Variants in NKAIN2 observed in about 807,000 individuals in gnomAD.
NKAIN2 encodes the protein sodium/potassium-transporting ATPase subunit beta-1-interacting protein 2.
NKAIN2 carries 14 observed loss-of-function variants against 32.6 expected under a neutral mutation model. The observed-to-expected ratio is 0.43, with a 90% CI of 0.28 to 0.67. The LOEUF (loss-of-function observed/expected upper bound fraction) is 0.67, where lower values mean the gene tolerates loss of function less well. NKAIN2 is among the 30% of genes least tolerant of loss of function. The pLI is 0.17. For synonymous variants in NKAIN2, 80 were observed against 87.2 expected (o/e 0.92, Z 0.46); for missense variants, 198 against 258.3 (o/e 0.77, Z 1.60).
chr6:123,883,152 A>T (rs761944215), intron 1 of NKAIN2, among the ~76,000 whole-genome samples: 1 of 151,876 alleles, frequency 6.6e-6, no homozygotes, highest in Non-Finnish European at 1.5e-5. Context: ...GTGAATTATT[A>T]TTATTTTTTT....
In NKAIN2 at chr6:123,804,114, T is replaced by C; in HGVS notation, c.-87T>C. ...CCCGAGCCCTCGGCAGGTTTGCGTG[T>C]CCTTCCCCGCGATCTGATTGGATAA... On this transcript the variant is annotated 5_prime_UTR_variant, in exon 1 of 7. Coordinates refer to ENST00000368417, the MANE Select transcript of NKAIN2 (RefSeq NM_001040214.3). The C allele has an allele frequency of 2.4e-6, 3 of 1,273,478 alleles. No individual in the cohort carries two copies. Among genetic ancestry groups the C allele is most frequent in the Non-Finnish European group, 3.4e-6 (3 of 870,362 alleles). 78.9% of individuals were successfully genotyped at this position (1,273,478 alleles called of 1,614,324 possible).
chr6:124,370,945 T>C (rs369617358), intron 3 of NKAIN2, among the ~76,000 whole-genome samples: 1 of 152,142 alleles, frequency 6.6e-6, no homozygotes, highest in Non-Finnish European at 1.5e-5. Context: ...TGAGTACAAG[T>C]AATCCATTGA....
At chr6:123,989,480 ACTCTTGCTGGGTCT>A (rs533289639) in intron 1 of NKAIN2, among the ~76,000 whole-genome samples, 21 of 152,034 alleles carry the variant, frequency 1.4e-4, no homozygotes, top group Middle Eastern at 3.4e-3. Context: ...AATAAACAGA[ACTCTTGCTGGGTCT>A]TTTCTCCTTT....
intron 1 of NKAIN2, among the ~76,000 whole-genome samples, chr6:123,912,700 C>A (rs1254204664): frequency 6.6e-6 from 1 of 152,296 alleles, no homozygotes; most frequent in African/African-American, 2.4e-5. Flanking sequence ...TTAGTGGAAG[C>A]TTAGCTTCCT....
At chr6:124,332,226 T>TAC (rs1189379396) in intron 2 of NKAIN2, among the ~76,000 whole-genome samples, 11 of 150,654 alleles carry the variant, frequency 7.3e-5, no homozygotes, top group Middle Eastern at 3.4e-3. Context: ...TGTGTGTGTA[T>TAC]ATACACACAC....
intron 2 of NKAIN2, among the ~76,000 whole-genome samples, chr6:124,334,170 C>T (rs1797774385): frequency 6.6e-6 from 1 of 152,146 alleles, no homozygotes; most frequent in Admixed American, 6.5e-5. Context: ...TAGATTTGAG[C>T]ACATGGTTCT....
intron 1 of NKAIN2, among the ~76,000 whole-genome samples, chr6:123,822,185 T>C (rs1773952336): frequency 6.6e-6 from 1 of 152,202 alleles, no homozygotes; most frequent in Admixed American, 6.5e-5. Context: ...ATGCCAGAAT[T>C]CTTTGCACTC....
intron 4 of NKAIN2, among the ~76,000 whole-genome samples, chr6:124,705,899 G>C (rs1186619448): frequency 6.6e-6 from 1 of 152,052 alleles, no homozygotes; most frequent in Non-Finnish European, 1.5e-5. Flanking sequence ...AAGCAGCAGA[G>C]GAAAGCCTAG....
intron 1 of NKAIN2, among the ~76,000 whole-genome samples, chr6:123,885,941 A>G (rs1263649446): frequency 6.6e-6 from 1 of 151,308 alleles, no homozygotes; most frequent in Non-Finnish European, 1.5e-5. Flanking sequence ...AGTTAGAGCA[A>G]TGATCAAAAG....
chr6:123,831,678 C>T (rs1774387727), intron 1 of NKAIN2, among the ~76,000 whole-genome samples: 4 of 139,238 alleles, frequency 2.9e-5, no homozygotes, highest in South Asian at 2.3e-4. Context: ...TTTTTTGAGA[C>T]GGAGTTTTGC....
intron 1 of NKAIN2, among the ~76,000 whole-genome samples, chr6:124,113,984 CAT>C (rs1320701990): frequency 6.6e-6 from 1 of 152,044 alleles, no homozygotes; most frequent in African/African-American, 2.4e-5. Context: ...GTTTTGTAGG[CAT>C]ATGTTTTTAT....
At chr6:124,658,149 A>G in intron 3 of NKAIN2, 37 bp from the exon 4 acceptor site, 1 of 1,475,214 alleles carries the variant, frequency 6.8e-7, no homozygotes, top group Non-Finnish European at 9.2e-7. Flanking sequence ...TAACATTTAT[A>G]AAGTAATTCT....
intron 1 of NKAIN2, among the ~76,000 whole-genome samples, chr6:123,937,051 A>G (rs1776543840): frequency 6.6e-6 from 1 of 152,258 alleles, no homozygotes; most frequent in Non-Finnish European, 1.5e-5. Context: ...AATAGCGGCC[A>G]GCTCCAAAAA....
intron 1 of NKAIN2, among the ~76,000 whole-genome samples, chr6:124,046,329 C>T (rs1026569955): frequency 4.0e-5 from 6 of 151,844 alleles, no homozygotes; most frequent in Non-Finnish European, 8.8e-5. Context: ...TTTCACATAC[C>T]GTATTCCTGG....
Position 124,463,995 on chromosome 6 carries a change from T to A in NKAIN2, c.273+108648T>A, listed in dbSNP as rs564607236. Among the ~76,000 whole-genome samples the A allele has an allele frequency of 1.4e-4, 21 of 152,222 alleles. No individual in the cohort carries two copies. The South Asian group carries it at 4.1e-3, about 30-fold the overall frequency. ...CACTTTGTTTTGTTTTGTTTTGTTATGCTTTGTGACAAAGTCTTACTTTGT... is the reference window on the plus strand; with the variant it reads ...CACTTTGTTTTGTTTTGTTTTGTTAAGCTTTGTGACAAAGTCTTACTTTGT... On this transcript the variant is annotated intron_variant, in intron 3 of 6. Transcript: ENST00000368417.
intron 4 of NKAIN2, among the ~76,000 whole-genome samples, chr6:124,772,322 G>A (rs562845974): frequency 1.8e-4 from 28 of 152,260 alleles, no homozygotes; most frequent in Non-Finnish European, 3.7e-4. Context: ...TAATCCAATG[G>A]AATAGTCAAT....
At chr6:124,115,035 T>C (rs1785545147) in intron 1 of NKAIN2, among the ~76,000 whole-genome samples, 1 of 152,104 alleles carries the variant, frequency 6.6e-6, no homozygotes, top group African/African-American at 2.4e-5. Context: ...AATGTGTGTG[T>C]GTATGTATTT....
intron 4 of NKAIN2, among the ~76,000 whole-genome samples, chr6:124,710,939 G>A (rs1213746872): frequency 9.2e-4 from 139 of 150,584 alleles, no homozygotes; most frequent in South Asian, 1.1e-3. Flanking sequence ...TGGTCTTTAC[G>A]TTTTGGCATG....
intron 3 of NKAIN2, among the ~76,000 whole-genome samples, chr6:124,358,334 C>T (rs990483718): frequency 3.7e-4 from 56 of 152,160 alleles, no homozygotes; most frequent in African/African-American, 1.3e-3. Context: ...AGTTCTAGAT[C>T]CCTGAGGAAT....
Sources: allele counts gnomAD v4.1 joint callset (sites outside exome capture counted in the v4.1 genomes callset), GRCh38; gene constraint gnomAD v4.1.1; transcripts MANE v1.5; gene names NCBI Gene and HGNC (gene_info 2026-07-23, HGNC 2026-07-21).